Variants in UCKL1 observed in about 807,000 individuals in gnomAD.
UCKL1 encodes uridine-cytidine kinase 1 like 1.
A neutral mutation model predicts 59.2 loss-of-function variants in UCKL1; 65 were observed. The observed-to-expected ratio is 1.10, with a 90% CI of 0.90 to 1.35. The LOEUF is 1.35. Ranked by LOEUF, UCKL1 falls within the 40% of genes most tolerant of loss-of-function variation. UCKL1 has a pLI of 0.00. For missense variants in UCKL1, 703 were observed against 784.3 expected, an observed-to-expected ratio of 0.90 and a Z score of 1.24; for synonymous variants, 410 against 323.1, an observed-to-expected ratio of 1.27 and a Z score of -2.88.
At chr20:63,941,381 A>T in intron 8 of UCKL1, 173 bp from the exon 9 acceptor site, 1 of 1,010,346 alleles carries the variant, frequency 9.9e-7, no homozygotes, top group Non-Finnish European at 1.4e-6. Flanking sequence ...ACGTCGCCCT[A>T]CCTGAGCTGT....
rs768190309 is a variant in UCKL1, at chr20:63,939,925, G to C, written c.*51C>G. On this transcript the variant is annotated 3_prime_UTR_variant, in exon 15 of 15. Coordinates refer to ENST00000354216, the MANE Select transcript of UCKL1 (RefSeq NM_017859.4). ...TAACATCTTTGTATTCAGCAGTCCTGGGTCAGGAGGCAGGAGGAGGGTGGT... is the reference window on the plus strand; with the variant it reads ...TAACATCTTTGTATTCAGCAGTCCTCGGTCAGGAGGCAGGAGGAGGGTGGT... The C allele has an allele frequency of 1.3e-6, 2 of 1,494,382 alleles. No homozygotes were observed. The highest frequency in any genetic ancestry group is 9.3e-7 in the Non-Finnish European group (1 of 1,074,886). The allele number at this position is 1,494,382 out of a possible 1,614,324, so 92.6% of individuals were successfully genotyped here. A position where few individuals can be genotyped will look rare whatever the true frequency, so the allele number is the denominator to read the frequency against.
intron 8 of UCKL1, chr20:63,941,571 G>A (rs2054439769): frequency 3.7e-6 from 1 of 272,660 alleles, no homozygotes; most frequent in Non-Finnish European, 7.8e-6. Flanking sequence ...ACCCCAGAAT[G>A]GGTAGCTTGT....
intron 1 of UCKL1, 116 bp from the exon 2 acceptor site, chr20:63,946,759 G>A (rs1013492534): frequency 5.6e-5 from 63 of 1,128,094 alleles, no homozygotes; most frequent in African/African-American, 1.9e-4. Context: ...TGGCTGAGGC[G>A]GGCAGGCTCA....
chr20:63,943,532 C>A (rs564117927), intron 8 of UCKL1, 121 bp downstream of exon 8: 4 of 1,463,194 alleles, frequency 2.7e-6, no homozygotes, highest in South Asian at 1.2e-5. Flanking sequence ...GACCACTCCA[C>A]ACCACCCCTT....
chr20:63,944,809 C>T, intron 5 of UCKL1, 75 bp from the exon 6 acceptor site: 2 of 1,545,452 alleles, frequency 1.3e-6, no homozygotes, highest in South Asian at 2.4e-5. Context: ...AGCCCCTGCA[C>T]TGAGGCCGCC....
intron 8 of UCKL1, chr20:63,942,294 C>T (rs1178065373): frequency 9.5e-5 from 24 of 251,886 alleles, no homozygotes; most frequent in African/African-American, 8.0e-4. Context: ...AGAGGCGTGA[C>T]AGCGGCAGGG....
chr20:63,943,002 C>T (rs1373553533), intron 8 of UCKL1, among the ~76,000 whole-genome samples: 2 of 152,194 alleles, frequency 1.3e-5, no homozygotes, highest in African/African-American at 2.4e-5. Flanking sequence ...GTGGCTCAGT[C>T]AGGAGCCTCC....
chr20:63,942,480 G>A lies in UCKL1; in HGVS notation c.923+1173C>T. The stretch of plus-strand genomic sequence containing the variant: ...GAGCACACTGCTCACATATCCCAAC[G>A]TAGCTTCCTCTGCTTGCCAGGTGAA... On this transcript the variant is annotated intron_variant, in intron 8 of 14. Transcript: ENST00000354216. The A allele has an allele frequency of 3.4e-6, 4 of 1,176,042 alleles. No homozygotes were observed. In the South Asian group the frequency reaches 6.3e-5, roughly 19 times the overall value. The allele number at this position is 1,176,042 out of a possible 1,614,324, so 72.9% of individuals were successfully genotyped here.
intron 8 of UCKL1, chr20:63,942,424 A>G (rs2054836564): frequency 1.9e-5 from 22 of 1,172,650 alleles, no homozygotes; most frequent in Non-Finnish European, 2.1e-5. Context: ...GCAAGGGGCT[A>G]CGGGAAGGCG....
chr20:63,942,541 G>T, intron 8 of UCKL1: 1 of 1,099,724 alleles, frequency 9.1e-7, no homozygotes, highest in Non-Finnish European at 1.2e-6. Flanking sequence ...CAGGAAACGG[G>T]GGTTTACAGA....
At chr20:63,952,715 T>C (rs983558329) in intron 1 of UCKL1, among the ~76,000 whole-genome samples, 1 of 152,216 alleles carries the variant, frequency 6.6e-6, no homozygotes, top group Non-Finnish European at 1.5e-5. Flanking sequence ...CTGAGGCCCG[T>C]GGTGCTGGAG....
rs761475051 is a variant in UCKL1 at position 63,940,957 on chromosome 20, G to A, written c.1109C>T (p.Pro370Leu). 2 of 1,523,104 alleles carry A rather than the reference G, an allele frequency of 1.3e-6. No homozygotes were observed. The highest frequency in any genetic ancestry group is 1.8e-6 in the Non-Finnish European group (2 of 1,133,784). The allele number at this position is 1,523,104 out of a possible 1,614,324, so 94.3% of individuals were successfully genotyped here. A position where few individuals can be genotyped will look rare whatever the true frequency, so the allele number is the denominator to read the frequency against. ...GGGCTACGGGCTACGAACCTGAAAG[G>A]GCAGGAAGGAGAGCGCGTGCTCGAT... ...LLIEHALSFL[P>L]FQDCVVQTPQ... Residue 370 changes from proline (P) to leucine (L), a missense_variant, in exon 10 of 15, where the codon CCC (proline) becomes CTC (leucine). Coordinates refer to ENST00000354216, the MANE Select transcript of UCKL1 (RefSeq NM_017859.4).
In UCKL1 at chr20:63,940,573, AC is replaced by A. The variant is rs1569016370; in HGVS notation, c.1302+20del. The A allele has an allele frequency of 1.2e-6, 2 of 1,605,550 alleles. No individual in the cohort carries two copies. Among genetic ancestry groups the A allele is most frequent in the Non-Finnish European group, 1.7e-6 (2 of 1,179,276 alleles). ...TCTGCCCCCTACCCCCGGGCTCATCACCCCGGCTGCCCCCAGGCACCTCGGG... is the reference window on the plus strand; with the variant it reads ...TCTGCCCCCTACCCCCGGGCTCATCACCCGGCTGCCCCCAGGCACCTCGGG... On this transcript the variant is annotated intron_variant, in intron 12 of 14. Transcript: ENST00000354216.
In UCKL1 at chr20:63,946,630, A is replaced by C; in HGVS notation, c.127T>G (p.Ser43Ala). ...ACAGGTGGCAGGAGCCTGTCCAGGG[A>C]CTCTGCATTGCTGCTGCAGAGAGGG... ...TACEDRSNAE[S>A]LDRLLPPVGT... The change falls in exon 2 of 15, where the codon TCC becomes GCC. Residue 43 changes from serine (S) to alanine (A), a missense_variant. Ser to Ala is a moderately conservative substitution (Grantham distance 99). Transcript: ENST00000354216. The C allele has an allele frequency of 6.2e-7, 1 of 1,608,326 alleles. No individual in the cohort carries two copies. The highest frequency in any genetic ancestry group is 8.5e-7 in the Non-Finnish European group (1 of 1,179,720).
intron 8 of UCKL1, chr20:63,942,657 TC>T: frequency 2.0e-6 from 1 of 507,424 alleles, no homozygotes; most frequent in Admixed American, 2.1e-5. Flanking sequence ...TGCCTGACCC[TC>T]CCTCCTGCCC....
At position 63,945,953 on chromosome 20, in the gene UCKL1, T is replaced by C. The variant is rs1437905180; in HGVS notation, c.434A>G (p.Glu145Gly). 2.5e-6 allele frequency: 4 copies of C among 1,613,788 alleles called. No homozygotes were observed. The highest frequency in any genetic ancestry group is 1.7e-5 in the Admixed American group (1 of 60,028). Reference sequence around the variant, plus strand: ...GTTGAAGTTGTTGTGTGCGGCCTGTTCCTGCTGCTGCTCAGTCAGCACCTG... The same window carrying C: ...GTTGAAGTTGTTGTGTGCGGCCTGTCCCTGCTGCTGCTCAGTCAGCACCTG... The part of the protein sequence containing the change: ...FYKVLTEQQQ[E>G]QAAHNNFNFD... Residue 145 changes from glutamate (E) to glycine (G), a missense_variant, in exon 4 of 15, where the codon GAA (glutamate) becomes GGA (glycine). Glu to Gly is a moderately conservative substitution (Grantham distance 98). Coordinates refer to ENST00000354216, the MANE Select transcript of UCKL1 (RefSeq NM_017859.4).
chr20:63,943,815 C>T (rs533979974), intron 7 of UCKL1, 146 bp from the exon 8 acceptor site: 1 of 1,181,636 alleles, frequency 8.5e-7, no homozygotes, highest in East Asian at 2.5e-5. Flanking sequence ...CTTCTAATGC[C>T]TGTAACCTGG....
rs370147515 is a variant in UCKL1 at position 63,953,021 on chromosome 20, G to A, written c.113+3239C>T. ...TCCCAGCACTGTGGGAGGCCGAGGCGGGCGGATCACCCAAGGTCGGAGTTT... is the reference window on the plus strand; with the variant it reads ...TCCCAGCACTGTGGGAGGCCGAGGCAGGCGGATCACCCAAGGTCGGAGTTT... On this transcript the variant is annotated intron_variant, in intron 1 of 14. Transcript: ENST00000354216. Among the ~76,000 whole-genome samples, 315 of 152,082 alleles carry A rather than the reference G, an allele frequency of 2.1e-3. 10 individuals are homozygous for A. In the South Asian group the frequency reaches 0.055, roughly 27 times the overall value.
In UCKL1 at chr20:63,945,790, A is replaced by G. The variant is rs1365811105; in HGVS notation, c.582+15T>C. 5 of 1,613,254 alleles carry G rather than the reference A, an allele frequency of 3.1e-6. No individual in the cohort carries two copies. The highest frequency in any genetic ancestry group is 4.2e-6 in the Non-Finnish European group (5 of 1,179,810). On this transcript the variant is annotated intron_variant, in intron 4 of 14. Transcript: ENST00000354216. ...TGCAGCCCCCCGAGGCCCCCTCTGC[A>G]GGGCCCTGGCCTACCCAGTCCTTCT...
Sources: gnomAD v4.1 joint callset for allele counts (sites outside exome capture counted in the v4.1 genomes callset) on GRCh38, gnomAD v4.1.1 for gene constraint, MANE v1.5 for transcripts, NCBI Gene and HGNC (gene_info 2026-07-23, HGNC 2026-07-21) for gene names.